PLXNB1: variants seen among roughly 807,000 people sequenced by gnomAD.
PLXNB1 encodes plexin B1.
Under a neutral mutation model 209.4 loss-of-function variants are expected in PLXNB1, and 106 were observed. That is an observed-to-expected ratio of 0.51 (90% CI 0.43 to 0.59). The LOEUF (loss-of-function observed/expected upper bound fraction) is 0.59. Ranked by LOEUF, PLXNB1 falls within the 20% of genes least tolerant of loss-of-function variation. The pLI is 0.00. For synonymous variants in PLXNB1, 1,167 were observed against 1,183.2 expected (o/e 0.99, Z 0.28); for missense variants, 2,357 against 2,853.2 (o/e 0.83, Z 3.96).
Position 48,415,912 on chromosome 3 carries a change from C to A in PLXNB1, c.3617+119G>T, listed in dbSNP as rs1309293025. 7.2e-7 allele frequency: 1 copy of A among 1,380,702 alleles called. No homozygotes were observed. Among genetic ancestry groups the A allele is most frequent in the Non-Finnish European group, 9.8e-7 (1 of 1,016,976 alleles). 85.5% of individuals were successfully genotyped at this position (1,380,702 alleles called of 1,614,324 possible). A position where few individuals can be genotyped will look rare whatever the true frequency, so the allele number is the denominator to read the frequency against. ...CCACAGCTGGCTAGGGAGGGTCTGGCCACTCTCTGAAGGAGCAGACTGGCC... is the reference window on the plus strand; with the variant it reads ...CCACAGCTGGCTAGGGAGGGTCTGGACACTCTCTGAAGGAGCAGACTGGCC... On this transcript the variant is annotated intron_variant, in intron 18 of 37. Transcript: ENST00000296440. The surrounding 1 kb of genome is among the most constrained non-coding windows in gnomAD (Gnocchi z 5.0).
rs143861937 is a variant in PLXNB1, at chr3:48,409,898, A to G, written c.5778+7T>C. 0.057 allele frequency: 90,867 copies of G among 1,605,644 alleles called. 3,448 individuals are homozygous for G. Among genetic ancestry groups the G allele is most frequent in the Non-Finnish European group, 0.056 (66,457 of 1,176,596 alleles). On this transcript the variant is annotated splice_region_variant and intron_variant, in intron 32 of 37. Coordinates refer to ENST00000296440, the MANE Select transcript of PLXNB1 (RefSeq NM_001130082.3). This position sits in a 1 kb window ranked among gnomAD's most constrained non-coding sequence, Gnocchi z 5.8. Reference sequence around the variant, plus strand: ...CAGGCCCCACTACCTTGGCAGCCCCACCCCACCTTCATGGACAGCAGGCGG... The same window carrying G: ...CAGGCCCCACTACCTTGGCAGCCCCGCCCCACCTTCATGGACAGCAGGCGG...
rs1233868902 is a variant in PLXNB1 at position 48,415,791 on chromosome 3, C to T, written c.3618-32G>A. The T allele has an allele frequency of 5.9e-6, 9 of 1,526,284 alleles. No homozygotes were observed. The highest frequency in any genetic ancestry group is 4.9e-5 in the East Asian group (2 of 40,426). The allele number at this position is 1,526,284 out of a possible 1,614,324, so 94.5% of individuals were successfully genotyped here. On this transcript the variant is annotated intron_variant, in intron 18 of 37. Transcript: ENST00000296440. The surrounding 1 kb of genome is among the most constrained non-coding windows in gnomAD (Gnocchi z 5.0). ...GGGGAGGTGGGAATGAATGCAGGGG[C>T]GCAGGCAGGGAAAACTTGGACCACT...
At position 48,409,971 on chromosome 3, in the gene PLXNB1, C is replaced by T; in HGVS notation, c.5712G>A (p.Arg1904=). ...CCTTGGCGCGCTCACGCTCCCCGCC[C>T]CGAAGGCTGCCCCTCCGAGGCCTGG... ...EPPRPRRGSL[R]GGERERAKAI... is the part of the protein sequence containing the mutation. The change falls in exon 32 of 38, where the codon CGG becomes CGA. Residue 1904 remains arginine (R), a synonymous_variant. Coordinates refer to ENST00000296440, the MANE Select transcript of PLXNB1 (RefSeq NM_001130082.3). This position sits in a 1 kb window ranked among gnomAD's most constrained non-coding sequence, Gnocchi z 5.8. The T allele has an allele frequency of 6.2e-7, 1 of 1,612,660 alleles. No homozygotes were observed.
At position 48,423,555 on chromosome 3, in the gene PLXNB1, C is replaced by T. The variant is rs141304166; in HGVS notation, c.1057G>A (p.Val353Met). ...TTGACATCATACTCGATGTAGGCCA[C>T]CTCGGTCCCATCCTCAGCACGACCC... ...REGRAEDGTE[V>M]AYIEYDVNSD... The change falls in exon 3 of 38, where the codon GTG becomes ATG. Residue 353 changes from valine (V) to methionine (M), a missense_variant. By Grantham distance (21) the Val-to-Met change is conservative. Coordinates refer to ENST00000296440, the MANE Select transcript of PLXNB1 (RefSeq NM_001130082.3). 2.3e-5 allele frequency: 37 copies of T among 1,614,228 alleles called. No individual in the cohort carries two copies. The East Asian group carries it at 7.1e-4, about 31-fold the overall frequency.
Position 48,415,067 on chromosome 3 carries a change from G to C in PLXNB1, c.3967-26C>G. 6.2e-7 allele frequency: 1 copy of C among 1,610,430 alleles called. No homozygotes were observed. The highest frequency in any genetic ancestry group is 8.5e-7 in the Non-Finnish European group (1 of 1,177,720). ...CTGGAAGGAAGACAGGCAGGTTGACGAGGGGCCAAGCAAAGATGGGAAGAG... is the reference window on the plus strand; with the variant it reads ...CTGGAAGGAAGACAGGCAGGTTGACCAGGGGCCAAGCAAAGATGGGAAGAG... On this transcript the variant is annotated intron_variant, in intron 20 of 37. Transcript: ENST00000296440. The surrounding 1 kb of genome is among the most constrained non-coding windows in gnomAD (Gnocchi z 5.0).
In PLXNB1 at chr3:48,407,012, C is replaced by A. The variant is rs776693598; in HGVS notation, c.6152+15G>T. 4 of 1,613,830 alleles carry A rather than the reference C, an allele frequency of 2.5e-6. No individual in the cohort carries two copies. In the Admixed American group the frequency reaches 6.7e-5, roughly 27 times the overall value. On this transcript the variant is annotated intron_variant, in intron 35 of 37. Transcript: ENST00000296440. Reference sequence around the variant, plus strand: ...CACACGCCCTCCAACCTCTACCCACCGTGCCCTCCAGTACCTTTCCACCAT... The same window carrying A: ...CACACGCCCTCCAACCTCTACCCACAGTGCCCTCCAGTACCTTTCCACCAT...
Position 48,420,117 on chromosome 3 carries a change from G to A in PLXNB1, c.2169C>T (p.Asp723=), listed in dbSNP as rs959713072. 10 of 1,613,044 alleles carry A rather than the reference G, an allele frequency of 6.2e-6. No individual in the cohort carries two copies. The highest frequency in any genetic ancestry group is 8.5e-6 in the Non-Finnish European group (10 of 1,179,778). ...GGGAAGGACTAGCCCCAGGTGAGATGTCCGAAGCTGTGGCTGTGGAGGGAG... is the reference window on the plus strand; with the variant it reads ...GGGAAGGACTAGCCCCAGGTGAGATATCCGAAGCTGTGGCTGTGGAGGGAG... ...PGAPSTATAS[D]ISPGASPSLL... The change falls in exon 11 of 38, where the codon GAC becomes GAT. Residue 723 remains aspartate, a synonymous_variant. Transcript: ENST00000296440.
intron 1 of PLXNB1, among the ~76,000 whole-genome samples, chr3:48,428,392 C>A (rs560026774): frequency 6.6e-6 from 1 of 152,306 alleles, no homozygotes; most frequent in South Asian, 2.1e-4. Context: ...TGCTCCCCCA[C>A]ACATGCCCTG....
At chr3:48,420,286 A>G in intron 10 of PLXNB1, 29 bp from the exon 11 acceptor site, 1 of 1,401,926 alleles carries the variant, frequency 7.1e-7, no homozygotes, top group South Asian at 1.3e-5. Flanking sequence ...GAAGACAGGA[A>G]GGGCCACTCA....
At position 48,413,797 on chromosome 3, in the gene PLXNB1, A is replaced by G; in HGVS notation, c.4408T>C (p.Phe1470Leu). 6.2e-7 allele frequency: 1 copy of G among 1,613,674 alleles called. No individual in the cohort carries two copies. The highest frequency in any genetic ancestry group is 8.5e-7 in the Non-Finnish European group (1 of 1,179,862). Reference sequence around the variant, plus strand: ...TCATACTGCACGTGACCCAGGGAGAAGCGCAAGTTCCCCATCTGCACCTGT... The same window carrying G: ...TCATACTGCACGTGACCCAGGGAGAGGCGCAAGTTCCCCATCTGCACCTGT... ...EFTVQMGNLR[F>L]SLGHVQYDGE... Residue 1470 changes from phenylalanine to leucine, a missense_variant, in exon 23 of 38, where the codon TTC becomes CTC. This residue lies in a region of PLXNB1 where 743 missense variants were observed against 896.2 expected (regional missense o/e 0.83). Coordinates refer to ENST00000296440, the MANE Select transcript of PLXNB1 (RefSeq NM_001130082.3). This position sits in a 1 kb window ranked among gnomAD's most constrained non-coding sequence, Gnocchi z 5.4.
In PLXNB1 at chr3:48,423,716, G is replaced by A. The variant is rs542965215; in HGVS notation, c.896C>T (p.Ser299Leu). The A allele has an allele frequency of 5.5e-5, 89 of 1,613,730 alleles. 1 individual carries two copies. The South Asian group carries it at 6.4e-4, about 12-fold the overall frequency. The change falls in exon 3 of 38, where the codon TCG (serine) becomes TTG (leucine). Residue 299 changes from serine (S) to leucine (L), a missense_variant. This residue lies in a region of PLXNB1 where 404 missense variants were observed against 443.6 expected (regional missense o/e 0.91). Coordinates refer to ENST00000296440, the MANE Select transcript of PLXNB1 (RefSeq NM_001130082.3). ...CCGGCCCACAGTGGGGGGTGCAGCCGAGGAGAAAGCTGCAAAGAGCACCTC... is the reference window on the plus strand; with the variant it reads ...CCGGCCCACAGTGGGGGGTGCAGCCAAGGAGAAAGCTGCAAAGAGCACCTC... ...HGEVLFAAFS[S>L]AAPPTVGRPP...
chr3:48,421,571 C>T lies in PLXNB1; in HGVS notation c.1653+103G>A. ...CCTAAAAGAAGTGACTTGTGTGAGG[C>T]CATGTGGTATCTGGCATGTCCGACA... On this transcript the variant is annotated intron_variant, in intron 7 of 37. Transcript: ENST00000296440. 7.9e-6 allele frequency: 10 copies of T among 1,261,246 alleles called. 1 individual carries two copies. Among genetic ancestry groups the T allele is most frequent in the Non-Finnish European group, 1.1e-5 (10 of 913,004 alleles). The allele number at this position is 1,261,246 out of a possible 1,614,324, so 78.1% of individuals were successfully genotyped here. A position where few individuals can be genotyped will look rare whatever the true frequency, so the allele number is the denominator to read the frequency against.
At chr3:48,426,363 G>C (rs367628484) in intron 1 of PLXNB1, among the ~76,000 whole-genome samples, 25 of 152,244 alleles carry the variant, frequency 1.6e-4, no homozygotes, top group African/African-American at 5.5e-4. Flanking sequence ...ACCAAGGTTG[G>C]TGAAGTGCTG....
In PLXNB1 at chr3:48,411,431, G is replaced by T. The variant is rs929698394; in HGVS notation, c.5248-395C>A. Among the ~76,000 whole-genome samples the T allele has an allele frequency of 2.0e-5, 3 of 152,202 alleles. No homozygotes were observed. On this transcript the variant is annotated intron_variant, in intron 28 of 37. Transcript: ENST00000296440. The surrounding 1 kb of genome is among the most constrained non-coding windows in gnomAD (Gnocchi z 4.0). ...AGGGGTTCAGCAGGCCTGAATGGGG[G>T]TTTCCCACAGGAACCCTTGTGCGTA...
chr3:48,416,383 C>G lies in PLXNB1; in HGVS notation c.3443G>C (p.Arg1148Thr). The change falls in exon 17 of 38, where the codon AGA (arginine) becomes ACA (threonine). Residue 1148 changes from arginine (R) to threonine (T), a missense_variant. This residue lies in a region of PLXNB1 where 743 missense variants were observed against 896.2 expected (regional missense o/e 0.83). Transcript: ENST00000296440. The surrounding 1 kb of genome is among the most constrained non-coding windows in gnomAD (Gnocchi z 4.1). ...AGATAVEVPGRGRGVSEHDFA... is the reference protein window; with the variant it reads ...AGATAVEVPGTGRGVSEHDFA... ...GTCGTGTTCTGAGACACCACGTCCT[C>G]TTCCCGGCACCTCCACCGCTGTGGC... The G allele has an allele frequency of 1.2e-6, 2 of 1,613,200 alleles. No homozygotes were observed. Among genetic ancestry groups the G allele is most frequent in the Non-Finnish European group, 1.7e-6 (2 of 1,179,910 alleles).
At position 48,406,031 on chromosome 3, in the gene PLXNB1, GC is replaced by G. The variant is rs2037300446; in HGVS notation, c.6229-234del. 1 of 468,548 alleles carries G rather than the reference GC, an allele frequency of 2.1e-6. No homozygotes were observed. Among genetic ancestry groups the G allele is most frequent in the African/African-American group, 2.0e-5 (1 of 50,442 alleles). 29.0% of individuals were successfully genotyped at this position (468,548 alleles called of 1,614,324 possible). A position where few individuals can be genotyped will look rare whatever the true frequency, so the allele number is the denominator to read the frequency against. On this transcript the variant is annotated intron_variant, in intron 36 of 37. Transcript: ENST00000296440. The surrounding 1 kb of genome is among the most constrained non-coding windows in gnomAD (Gnocchi z 4.4). ...AGGGGGCCTCCTTGGTAGGAAGACA[GC>G]CCAGGTCTACCTGCTTCAGCAAGGT...
intron 9 of PLXNB1, 25 bp downstream of exon 9, chr3:48,420,823 C>T (rs557364242): frequency 7.9e-5 from 128 of 1,612,192 alleles, no homozygotes; most frequent in Middle Eastern, 6.6e-4. Flanking sequence ...GAAGCCCAGG[C>T]CTGGGGACAG....
In PLXNB1 at chr3:48,415,118, TC is replaced by T. The variant is rs1179871972; in HGVS notation, c.3966+57del. ...CCTCCTCTGGCACCTGCTCTGGCTG[TC>T]CCCAGGGTGTGGTATGGGGCAAGGG... On this transcript the variant is annotated intron_variant, in intron 20 of 37. Transcript: ENST00000296440. The surrounding 1 kb of genome is among the most constrained non-coding windows in gnomAD (Gnocchi z 5.0). The T allele has an allele frequency of 6.2e-7, 1 of 1,606,152 alleles. No homozygotes were observed. The highest frequency in any genetic ancestry group is 8.5e-7 in the Non-Finnish European group (1 of 1,174,442).
At position 48,429,263 on chromosome 3, in the gene PLXNB1, G is replaced by A. The variant is rs1300591028; in HGVS notation, c.-60+745C>T. Reference sequence around the variant, plus strand: ...GAGCCCCGCACTCACCACCCGGCCGGGCCCCGCGGGATGTGCGCGCCGAGG... The same window carrying A: ...GAGCCCCGCACTCACCACCCGGCCGAGCCCCGCGGGATGTGCGCGCCGAGG... On this transcript the variant is annotated intron_variant, in intron 1 of 37. Coordinates refer to ENST00000296440, the MANE Select transcript of PLXNB1 (RefSeq NM_001130082.3). The surrounding 1 kb of genome is among the most constrained non-coding windows in gnomAD (Gnocchi z 6.4). 6.6e-6 allele frequency: 1 copy of A among 151,800 alleles called. No homozygotes were observed. The highest frequency in any genetic ancestry group is 1.5e-5 in the Non-Finnish European group (1 of 67,930). The allele number at this position is 151,800 out of a possible 1,614,324, so 9.4% of individuals were successfully genotyped here.
Sources: gnomAD v4.1 joint callset for allele counts (sites outside exome capture counted in the v4.1 genomes callset) on GRCh38, gnomAD v4.1.1 for gene constraint, gnomAD v4.1.1 regional missense constraint, Gnocchi (gnomAD v3.1) non-coding constraint, MANE v1.5 for transcripts, NCBI Gene and HGNC (gene_info 2026-07-23, HGNC 2026-07-21) for gene names.